Variants in BCKDHB observed in about 807,000 individuals in gnomAD.
BCKDHB encodes 2-oxoisovalerate dehydrogenase subunit beta, mitochondrial.
A neutral mutation model predicts 48.5 loss-of-function variants in BCKDHB; 41 were observed. The observed-to-expected ratio is 0.85, with a 90% CI of 0.66 to 1.10. The LOEUF is 1.10. BCKDHB is among the 50% of genes least tolerant of loss of function. The pLI is 0.00. For missense variants in BCKDHB, 496 were observed against 494.2 expected, an observed-to-expected ratio of 1.00 and a Z score of -0.03; for synonymous variants, 201 against 174.8, an observed-to-expected ratio of 1.15 and a Z score of -1.18.
intron 8 of BCKDHB, among the ~76,000 whole-genome samples, chr6:80,241,972 T>C (rs1776407991): frequency 6.6e-6 from 1 of 152,240 alleles, no homozygotes; most frequent in African/African-American, 2.4e-5. Flanking sequence ...GAGTTATATA[T>C]ACATTGCAAG....
chr6:80,202,002 C>T (rs66606872), intron 7 of BCKDHB, among the ~76,000 whole-genome samples: 11,818 of 152,022 alleles, frequency 0.078, 541 homozygotes, highest in South Asian at 0.098. Flanking sequence ...TGCTGCTTGG[C>T]GAGTTGTATC....
chr6:80,285,788 A>T (rs1766598541), intron 9 of BCKDHB, among the ~76,000 whole-genome samples: 1 of 152,140 alleles, frequency 6.6e-6, no homozygotes, highest in Non-Finnish European at 1.5e-5. Context: ...ATTAGATGAA[A>T]GTAAGGGAAT....
intron 3 of BCKDHB, among the ~76,000 whole-genome samples, chr6:80,149,410 G>A (rs1305861479): frequency 1.3e-5 from 2 of 152,172 alleles, no homozygotes; most frequent in Non-Finnish European, 2.9e-5. Context: ...AGACAGTGTG[G>A]CGATTCCTCA....
the BCKDHB span, among the ~76,000 whole-genome samples, chr6:80,454,395 G>A: frequency 6.6e-6 from 1 of 152,114 alleles, no homozygotes; most frequent in Non-Finnish European, 1.5e-5. Flanking sequence ...TTTACTTGGT[G>A]GCTTGACAGA....
chr6:80,281,956 G>T (rs550885982), intron 9 of BCKDHB, among the ~76,000 whole-genome samples: 17 of 152,174 alleles, frequency 1.1e-4, no homozygotes, highest in African/African-American at 2.9e-4. Flanking sequence ...AAATTAAAAG[G>T]CAGCAGACTC....
chr6:80,398,868 C>T, the BCKDHB span, among the ~76,000 whole-genome samples: 2 of 152,084 alleles, frequency 1.3e-5, no homozygotes, highest in Non-Finnish European at 2.9e-5. Flanking sequence ...CAAAATGAAT[C>T]CAGTAGCACA....
rs1477936365 is a variant in BCKDHB at position 80,183,366 on chromosome 6, G to C, written c.742+11976G>C. Among the ~76,000 whole-genome samples, 6 of 152,200 alleles carry C rather than the reference G, an allele frequency of 3.9e-5. No homozygotes were observed. The East Asian group carries it at 1.2e-3, about 29-fold the overall frequency. Reference sequence around the variant, plus strand: ...GAAATATTTGTCAGACATTTAACTTGGCAATTGTAAGAGTGAAAACCTTGT... The same window carrying C: ...GAAATATTTGTCAGACATTTAACTTCGCAATTGTAAGAGTGAAAACCTTGT... On this transcript the variant is annotated intron_variant, in intron 6 of 9. Coordinates refer to ENST00000320393, the MANE Select transcript of BCKDHB (RefSeq NM_183050.4).
chr6:80,343,514 C>G, intron 9 of BCKDHB, 150 bp from the exon 10 acceptor site: 1 of 854,530 alleles, frequency 1.2e-6, no homozygotes, highest in Non-Finnish European at 1.8e-6. Context: ...ATGCTGTTAC[C>G]TGCTTTTTTC....
At chr6:80,410,111 T>G in the BCKDHB span, among the ~76,000 whole-genome samples, 3 of 152,192 alleles carry the variant, frequency 2.0e-5, no homozygotes, top group Non-Finnish European at 4.4e-5. Flanking sequence ...TGTTTAGTGC[T>G]TCCTTCAGGA....
At chr6:80,455,497 G>C in the BCKDHB span, among the ~76,000 whole-genome samples, 4 of 151,148 alleles carry the variant, frequency 2.6e-5, no homozygotes, top group African/African-American at 4.9e-5. Context: ...GGCATTCATA[G>C]TAGCAGACTA....
At chr6:80,414,462 G>A in the BCKDHB span, among the ~76,000 whole-genome samples, 1 of 152,032 alleles carries the variant, frequency 6.6e-6, no homozygotes, top group Non-Finnish European at 1.5e-5. Flanking sequence ...CTTAATTTTT[G>A]TATGTGGTAT....
the BCKDHB span, among the ~76,000 whole-genome samples, chr6:80,355,242 A>G: frequency 6.6e-6 from 1 of 151,974 alleles, no homozygotes; most frequent in African/African-American, 2.4e-5. Flanking sequence ...TGTACTAAAA[A>G]CACAAAAATT....
chr6:80,210,786 G>A (rs988979199), intron 8 of BCKDHB, among the ~76,000 whole-genome samples: 6 of 152,100 alleles, frequency 3.9e-5, no homozygotes, highest in African/African-American at 1.4e-4. Flanking sequence ...ATGCTGATGT[G>A]AAACAGGAGC....
the BCKDHB span, among the ~76,000 whole-genome samples, chr6:80,412,879 C>G: frequency 6.6e-6 from 1 of 152,158 alleles, no homozygotes; most frequent in Non-Finnish European, 1.5e-5. Flanking sequence ...TGCTGACAGT[C>G]TTATGAAGGT....
At chr6:80,368,085 T>C in the BCKDHB span, among the ~76,000 whole-genome samples, 4 of 152,204 alleles carry the variant, frequency 2.6e-5, no homozygotes, top group African/African-American at 9.6e-5. Context: ...ATAAGTGTCA[T>C]GTGTAGTTCT....
At chr6:80,409,843 A>C in the BCKDHB span, among the ~76,000 whole-genome samples, 2 of 151,598 alleles carry the variant, frequency 1.3e-5, no homozygotes, top group Non-Finnish European at 2.9e-5. Flanking sequence ...GGTCTCCTGA[A>C]TACAGCACTC....
At position 80,169,020 on chromosome 6, in the gene BCKDHB, C is replaced by T. The variant is rs1163333114; in HGVS notation, c.623C>T (p.Pro208Leu). The T allele has an allele frequency of 4.3e-6, 7 of 1,614,012 alleles. No individual in the cohort carries two copies. Among genetic ancestry groups the T allele is most frequent in the Non-Finnish European group, 5.9e-6 (7 of 1,179,942 alleles). ...QSPEAFFAHC[P>L]GIKVVIPRSP... ...CCTGAAGCATTTTTTGCCCATTGCC[C>T]AGGAATCAAGGTATGTTCATTTATG... Residue 208 changes from proline to leucine, a missense_variant, in exon 5 of 10, where the codon CCA (proline) becomes CTA (leucine). By Grantham distance (98) the Pro-to-Leu change is moderately conservative. Coordinates refer to ENST00000320393, the MANE Select transcript of BCKDHB (RefSeq NM_183050.4).
At chr6:80,331,454 A>G (rs978504200) in intron 9 of BCKDHB, among the ~76,000 whole-genome samples, 4 of 152,190 alleles carry the variant, frequency 2.6e-5, no homozygotes, top group African/African-American at 9.7e-5. Context: ...CTTGTGAGCT[A>G]TGGAGCTTAA....
At chr6:80,120,020 A>G (rs911715008) in intron 1 of BCKDHB, among the ~76,000 whole-genome samples, 1 of 151,802 alleles carries the variant, frequency 6.6e-6, no homozygotes, top group Non-Finnish European at 1.5e-5. Flanking sequence ...CAGCTTCCCA[A>G]TCCCCGACAG....
Sources: gnomAD v4.1 joint callset for allele counts (sites outside exome capture counted in the v4.1 genomes callset) on GRCh38, gnomAD v4.1.1 for gene constraint, MANE v1.5 for transcripts, NCBI Gene and HGNC (gene_info 2026-07-23, HGNC 2026-07-21) for gene names.